The following DSCAM variants were observed in gnomAD, a reference collection of about 807,000 sequenced individuals.
The protein encoded by DSCAM is DS cell adhesion molecule, also known as cell adhesion molecule DSCAM.
DSCAM carries 47 observed loss-of-function variants against 217.7 expected under a neutral mutation model. The observed-to-expected ratio is 0.22, with a 90% CI of 0.17 to 0.28. The LOEUF (loss-of-function observed/expected upper bound fraction) is 0.28, where lower values mean the gene tolerates loss of function less well. Ranked by LOEUF, DSCAM falls within the 10% of genes least tolerant of loss-of-function variation. The probability of loss-of-function intolerance (pLI) is 1.00; values close to 1 mark genes in which losing one functional copy is unlikely to be tolerated. For synonymous variants in DSCAM, 1,056 were observed against 1,015.3 expected, an observed-to-expected ratio of 1.04 and a Z score of -0.76; for missense variants, 2,080 against 2,618.3, an observed-to-expected ratio of 0.79 and a Z score of 4.49.
chr21:40,606,435 A>G (rs1791563449), intron 3 of DSCAM, among the ~76,000 whole-genome samples: 1 of 152,236 alleles, frequency 6.6e-6, no homozygotes, highest in South Asian at 2.1e-4. Flanking sequence ...TAGTGTTGGC[A>G]ACTATTCAAA....
rs146646122 is a variant in DSCAM at position 40,480,681 on chromosome 21, G to A, written c.509-111436C>T. On this transcript the variant is annotated intron_variant, in intron 3 of 32. Transcript: ENST00000400454. The stretch of plus-strand genomic sequence containing the variant: ...CTGAAGGTTGTGAATGTAAGGCCTC[G>A]TGCTGGACTGTCATATTAAACAGCG... Among the ~76,000 whole-genome samples the A allele has an allele frequency of 1.9e-4, 29 of 152,252 alleles. 1 individual carries two copies. In the East Asian group the frequency reaches 3.1e-3, roughly 16 times the overall value.
At chr21:40,157,860 A>AT (rs201078377) in intron 16 of DSCAM, among the ~76,000 whole-genome samples, 239 of 151,556 alleles carry the variant, frequency 1.6e-3, no homozygotes, top group African/African-American at 5.2e-3. Flanking sequence ...ACACCCAGCT[A>AT]TTTTTTTTCT....
At chr21:40,081,702 G>A (rs2089462589) in intron 24 of DSCAM, among the ~76,000 whole-genome samples, 1 of 152,122 alleles carries the variant, frequency 6.6e-6, no homozygotes, top group African/African-American at 2.4e-5. Context: ...TTGGTGATAG[G>A]CCTGTATAGT....
intron 3 of DSCAM, among the ~76,000 whole-genome samples, chr21:40,373,669 T>C (rs2123708544): frequency 6.6e-6 from 1 of 152,358 alleles, no homozygotes; most frequent in South Asian, 2.1e-4. Context: ...TTGTTCAATC[T>C]TCTCAGCTAA....
intron 1 of DSCAM, among the ~76,000 whole-genome samples, chr21:40,791,419 C>T (rs1217214205): frequency 6.6e-6 from 1 of 152,160 alleles, no homozygotes; most frequent in African/African-American, 2.4e-5. Context: ...CTTTGGGAGG[C>T]TGAGGCGGGC....
At chr21:40,449,647 T>C (rs1315906811) in intron 3 of DSCAM, among the ~76,000 whole-genome samples, 2 of 152,224 alleles carry the variant, frequency 1.3e-5, no homozygotes, top group African/African-American at 4.8e-5. Context: ...CTGCATCATA[T>C]GACTTATGCC....
chr21:40,647,494 TAAATA>T (rs1344470338), intron 3 of DSCAM, among the ~76,000 whole-genome samples: 2 of 142,208 alleles, frequency 1.4e-5, no homozygotes, highest in African/African-American at 5.0e-5. Flanking sequence ...TTATGGTTAT[TAAATA>T]AGTTTAATGG....
At chr21:40,166,773 G>A (rs1015153083) in intron 16 of DSCAM, among the ~76,000 whole-genome samples, 4 of 152,102 alleles carry the variant, frequency 2.6e-5, no homozygotes, top group Non-Finnish European at 5.9e-5. Context: ...AAAATTTAGG[G>A]GCTTTCTTGA....
chr21:40,029,475 T>G (rs1464163546), intron 32 of DSCAM, among the ~76,000 whole-genome samples: 1 of 152,072 alleles, frequency 6.6e-6, no homozygotes, highest in Non-Finnish European at 1.5e-5. Flanking sequence ...GCCAACTTGT[T>G]AATTCACTAA....
At chr21:40,845,266 G>A (rs1328366667) in intron 1 of DSCAM, among the ~76,000 whole-genome samples, 1 of 152,176 alleles carries the variant, frequency 6.6e-6, no homozygotes, top group Non-Finnish European at 1.5e-5. Context: ...TCATTTTCAT[G>A]TTCATTTTGA....
chr21:40,405,470 A>G (rs1488980748), intron 3 of DSCAM, among the ~76,000 whole-genome samples: 1 of 152,222 alleles, frequency 6.6e-6, no homozygotes, highest in Non-Finnish European at 1.5e-5. Flanking sequence ...TTTGACCCGA[A>G]AAGCACAGGC....
intron 1 of DSCAM, among the ~76,000 whole-genome samples, chr21:40,840,984 C>T (rs978907978): frequency 2.0e-5 from 3 of 152,174 alleles, no homozygotes; most frequent in Non-Finnish European, 2.9e-5. Context: ...GCTAAGGACA[C>T]GCTCAGGCTT....
chr21:40,609,799 T>C (rs370196690), intron 3 of DSCAM, among the ~76,000 whole-genome samples: 28 of 152,336 alleles, frequency 1.8e-4, no homozygotes, highest in African/African-American at 6.5e-4. Flanking sequence ...GGCCAGCATT[T>C]GCTTTGACAG....
At chr21:40,300,124 C>T (rs944369869) in intron 9 of DSCAM, among the ~76,000 whole-genome samples, 1 of 152,096 alleles carries the variant, frequency 6.6e-6, no homozygotes, top group Admixed American at 6.5e-5. Context: ...ACATCTTACT[C>T]AACAAACCTC....
chr21:40,183,242 G>T (rs1210955013), intron 14 of DSCAM, among the ~76,000 whole-genome samples: 2 of 152,214 alleles, frequency 1.3e-5, no homozygotes, highest in East Asian at 3.9e-4. Flanking sequence ...AGACGAATCT[G>T]CTGGAGGTCC....
At chr21:40,583,906 T>TAAAAA (rs10681677) in intron 3 of DSCAM, among the ~76,000 whole-genome samples, 3 of 140,108 alleles carry the variant, frequency 2.1e-5, no homozygotes, top group South Asian at 2.3e-4. Context: ...TAAAGTCTAT[T>TAAAAA]AAAAAAAAAA....
chr21:40,576,740 C>T (rs1601758393), intron 3 of DSCAM, among the ~76,000 whole-genome samples: 1 of 151,494 alleles, frequency 6.6e-6, no homozygotes, highest in Admixed American at 6.6e-5. Flanking sequence ...GACAGGAAGC[C>T]CCATAGGAGC....
intron 3 of DSCAM, among the ~76,000 whole-genome samples, chr21:40,602,955 T>A (rs1331805722): frequency 1.8e-5 from 1 of 56,746 alleles, no homozygotes; most frequent in Non-Finnish European, 3.2e-5. Context: ...TTTTCTAATC[T>A]ATGCATTCAA....
intron 11 of DSCAM, among the ~76,000 whole-genome samples, chr21:40,272,279 C>T (rs78214375): frequency 0.079 from 11,970 of 152,172 alleles, 506 homozygotes; most frequent in Middle Eastern, 0.1. Flanking sequence ...CGTTATCTCA[C>T]ATGATAATTA....
Sources: allele counts gnomAD v4.1 joint callset (sites outside exome capture counted in the v4.1 genomes callset), GRCh38; gene constraint gnomAD v4.1.1; transcripts MANE v1.5; gene names NCBI Gene and HGNC (gene_info 2026-07-23, HGNC 2026-07-21).